Variants in ATP10A observed in about 807,000 individuals in gnomAD.
ATP10A encodes the protein phospholipid-transporting ATPase VA.
In ATP10A, 111 loss-of-function variants were observed where a neutral mutation model predicts 147.8. The ratio of observed to expected loss-of-function variants is 0.75; its 90% CI spans 0.64 to 0.88. The LOEUF is 0.88. Ranked by LOEUF, ATP10A falls within the 40% of genes least tolerant of loss-of-function variation. The pLI, the probability that ATP10A is intolerant of heterozygous loss-of-function variation, is 0.00. For missense variants in ATP10A, 1,927 were observed against 1,959.0 expected (o/e 0.98, Z 0.31); for synonymous variants, 875 against 841.6 (o/e 1.04, Z -0.69).
intron 1 of ATP10A, among the ~76,000 whole-genome samples, chr15:25,799,639 T>C (rs1362442355): frequency 6.6e-6 from 1 of 151,974 alleles, no homozygotes; most frequent in Non-Finnish European, 1.5e-5. Context: ...GAGGCTGAGG[T>C]GGAGGATCGC....
upstream of ATP10A, among the ~76,000 whole-genome samples, chr15:25,864,583 A>C (rs903722994): frequency 6.6e-6 from 1 of 152,158 alleles, no homozygotes; most frequent in Admixed American, 6.5e-5. Context: ...GTTGCCCAGA[A>C]CCCAGTGTTA....
intron 1 of ATP10A, among the ~76,000 whole-genome samples, chr15:25,854,073 A>G (rs1187363214): frequency 6.6e-6 from 1 of 152,218 alleles, no homozygotes; most frequent in Admixed American, 6.5e-5. Flanking sequence ...ACAAATTCAT[A>G]ATAATATATT....
At chr15:25,749,464 C>T (rs999152522) in intron 2 of ATP10A, among the ~76,000 whole-genome samples, 3 of 152,254 alleles carry the variant, frequency 2.0e-5, no homozygotes, top group Non-Finnish European at 4.4e-5. Context: ...AGTCTTGCCT[C>T]AGGAGTGGAG....
chr15:25,737,717 C>T (rs997436212), intron 2 of ATP10A, among the ~76,000 whole-genome samples: 3 of 152,144 alleles, frequency 2.0e-5, no homozygotes, highest in South Asian at 2.1e-4. Context: ...CCTAACCCCA[C>T]GTAGCTCAGA....
chr15:25,701,063 G>A (rs183426734), intron 13 of ATP10A, among the ~76,000 whole-genome samples: 4 of 152,240 alleles, frequency 2.6e-5, no homozygotes, highest in Admixed American at 2.6e-4. Flanking sequence ...CTGGATCATA[G>A]AATCCAATGG....
intron 1 of ATP10A, among the ~76,000 whole-genome samples, chr15:25,849,428 G>C (rs1032324476): frequency 2.0e-5 from 3 of 152,202 alleles, no homozygotes; most frequent in African/African-American, 7.2e-5. Flanking sequence ...CAGGAACTGA[G>C]TTTAGATGTC....
At chr15:25,729,740 C>T (rs1025595625) in intron 3 of ATP10A, among the ~76,000 whole-genome samples, 4 of 152,180 alleles carry the variant, frequency 2.6e-5, no homozygotes, top group East Asian at 1.9e-4. Flanking sequence ...CCGGCCTGGG[C>T]TCAGCTTCTG....
At chr15:25,735,081 T>C (rs1300034295) in intron 3 of ATP10A, among the ~76,000 whole-genome samples, 1 of 151,636 alleles carries the variant, frequency 6.6e-6, no homozygotes, top group Non-Finnish European at 1.5e-5. Context: ...GCTGCAGGCG[T>C]CAAAAGTCCA....
chr15:25,696,394 T>C (rs1900339475), intron 13 of ATP10A, among the ~76,000 whole-genome samples: 1 of 152,140 alleles, frequency 6.6e-6, no homozygotes, highest in Admixed American at 6.5e-5. Flanking sequence ...TGGGGTGGGA[T>C]ATGGCAGTAA....
Position 25,862,859 on chromosome 15 carries a change from A to C in ATP10A, c.238T>G (p.Phe80Val), listed in dbSNP as rs751966015. The stretch of plus-strand genomic sequence containing the variant: ...TTGGCCGGGCGGTGGAACTGCTCGA[A>C]CAGGTTCTTGGGCAGGAAGGACAGC... ...TLLSFLPKNL[F>V]EQFHRPANVY... Residue 80 changes from phenylalanine to valine, a missense_variant, in exon 1 of 21, where the codon TTC becomes GTC. Transcript: ENST00000555815. The C allele has an allele frequency of 1.9e-6, 3 of 1,611,156 alleles. No homozygotes were observed. In the East Asian group the frequency reaches 6.7e-5, roughly 36 times the overall value.
downstream of ATP10A, among the ~76,000 whole-genome samples, chr15:25,675,603 C>T (rs1899120220): frequency 6.6e-6 from 1 of 152,018 alleles, no homozygotes; most frequent in Non-Finnish European, 1.5e-5. Context: ...AGCAACCAGG[C>T]TGTCTTCCCC....
In ATP10A at chr15:25,733,527, G is replaced by A. The variant is rs552346364; in HGVS notation, c.740+2529C>T. On this transcript the variant is annotated intron_variant, in intron 3 of 20. Transcript: ENST00000555815. Reference sequence around the variant, plus strand: ...CCCCTTGGTCGTGCCCCACAGTCACGGGGGCAAGTATTAACACACTGCTGC... The same window carrying A: ...CCCCTTGGTCGTGCCCCACAGTCACAGGGGCAAGTATTAACACACTGCTGC... Among the ~76,000 whole-genome samples, 114 of 152,282 alleles carry A rather than the reference G, an allele frequency of 7.5e-4. 1 individual carries two copies. Among genetic ancestry groups the A allele is most frequent in the Non-Finnish European group, 2.9e-4 (20 of 68,014 alleles).
At position 25,720,827 on chromosome 15, in the gene ATP10A, A is replaced by T. The variant is rs12439721; in HGVS notation, c.1363+830T>A. ...TTTTATAAATCTCACAAAAGTGTCA[A>T]GTAAACAACAGATGCTTCCCACCAA... On this transcript the variant is annotated intron_variant, in intron 7 of 20. Coordinates refer to ENST00000555815, the MANE Select transcript of ATP10A (RefSeq NM_024490.4). 2.0e-5 allele frequency among the ~76,000 whole-genome samples: 3 copies of T among 152,240 alleles called. No homozygotes were observed. In the South Asian group the frequency reaches 6.2e-4, roughly 32 times the overall value.
At chr15:25,683,104 T>G (rs1199291907) in intron 17 of ATP10A, among the ~76,000 whole-genome samples, 182 bp downstream of exon 17, 1 of 152,100 alleles carries the variant, frequency 6.6e-6, no homozygotes, top group Non-Finnish European at 1.5e-5. Flanking sequence ...TTACAACACT[T>G]GATGCACTGC....
At chr15:25,818,966 A>G (rs894414663) in intron 1 of ATP10A, among the ~76,000 whole-genome samples, 1 of 152,214 alleles carries the variant, frequency 6.6e-6, no homozygotes, top group East Asian at 1.9e-4. Flanking sequence ...TAAGACCTGA[A>G]ACTATAAAAG....
At chr15:25,853,070 T>C (rs1893362517) in intron 1 of ATP10A, among the ~76,000 whole-genome samples, 1 of 152,156 alleles carries the variant, frequency 6.6e-6, no homozygotes, top group African/African-American at 2.4e-5. Flanking sequence ...CTAATAAAAA[T>C]AGTTTGGTAG....
At chr15:25,786,216 G>T (rs1426563173) in intron 1 of ATP10A, among the ~76,000 whole-genome samples, 1 of 152,174 alleles carries the variant, frequency 6.6e-6, no homozygotes, top group Non-Finnish European at 1.5e-5. Flanking sequence ...GACCACACAG[G>T]GCCCGGAGGA....
chr15:25,779,705 A>C (rs922276475), intron 2 of ATP10A, among the ~76,000 whole-genome samples: 1 of 152,210 alleles, frequency 6.6e-6, no homozygotes, highest in Non-Finnish European at 1.5e-5. Flanking sequence ...TAACTCTTTC[A>C]CCAGCTCTCC....
Position 25,718,234 on chromosome 15 carries a change from T to TCGGCCC in ATP10A, c.1523_1528dup (p.Ala509_Glu510insGlyAla). ...GGACAGCATGCTGGCCCTCTTGGCC[T>TCGGCCC]CGGCCCGGCTGCCCGTGCGCCGGTG... On this transcript the variant is annotated inframe_insertion, in exon 8 of 21. Coordinates refer to ENST00000555815, the MANE Select transcript of ATP10A (RefSeq NM_024490.4). The TCGGCCC allele has an allele frequency of 6.2e-7, 1 of 1,613,064 alleles. No individual in the cohort carries two copies. The highest frequency in any genetic ancestry group is 8.5e-7 in the Non-Finnish European group (1 of 1,179,996).
Sources: allele counts gnomAD v4.1 joint callset (sites outside exome capture counted in the v4.1 genomes callset), GRCh38; gene constraint gnomAD v4.1.1; transcripts MANE v1.5; gene names NCBI Gene and HGNC (gene_info 2026-07-23, HGNC 2026-07-21).